The following AUTS2 variants were observed in gnomAD, a reference collection of about 807,000 sequenced individuals.
AUTS2 encodes the protein activator of transcription and developmental regulator AUTS2, also known as autism susceptibility gene 2 protein.
In AUTS2, 17 loss-of-function variants were observed where a neutral mutation model predicts 112.4. The ratio of observed to expected loss-of-function variants is 0.15; its 90% CI spans 0.10 to 0.23. AUTS2 has a LOEUF of 0.23. AUTS2 is among the 10% of genes least tolerant of loss of function. The pLI is 1.00. For missense variants in AUTS2, 1,510 were observed against 1,701.6 expected, an observed-to-expected ratio of 0.89 and a Z score of 1.98; for synonymous variants, 751 against 702.7, an observed-to-expected ratio of 1.07 and a Z score of -1.09.
At chr7:70,547,773 A>G (rs1198248987) in intron 5 of AUTS2, among the ~76,000 whole-genome samples, 1 of 152,236 alleles carries the variant, frequency 6.6e-6, no homozygotes, top group African/African-American at 2.4e-5. Flanking sequence ...GAACACTCAC[A>G]TACAGCTGAG....
intron 4 of AUTS2, among the ~76,000 whole-genome samples, chr7:70,427,152 C>A (rs919426920): frequency 6.6e-6 from 1 of 152,176 alleles, no homozygotes; most frequent in African/African-American, 2.4e-5. Flanking sequence ...TTGCTTCACA[C>A]CATCTTCAAA....
At chr7:70,020,611 A>G (rs945658221) in intron 2 of AUTS2, among the ~76,000 whole-genome samples, 1 of 152,044 alleles carries the variant, frequency 6.6e-6, no homozygotes, top group Non-Finnish European at 1.5e-5. Flanking sequence ...TTTCCTGTAC[A>G]CACTCACCAC....
At chr7:69,905,576 G>C (rs775115795) in intron 2 of AUTS2, among the ~76,000 whole-genome samples, 2 of 152,116 alleles carry the variant, frequency 1.3e-5, no homozygotes, top group African/African-American at 2.4e-5. Context: ...GAGAGAGAGA[G>C]ACCATTTCGC....
At chr7:70,351,660 C>CTTGT (rs1791771042) in intron 4 of AUTS2, among the ~76,000 whole-genome samples, 2 of 152,100 alleles carry the variant, frequency 1.3e-5, no homozygotes, top group Non-Finnish European at 2.9e-5. Flanking sequence ...CCTTTTTCTC[C>CTTGT]ACAACCTTAC....
intron 18 of AUTS2, among the ~76,000 whole-genome samples, chr7:70,789,371 C>T (rs901018888): frequency 5.3e-5 from 8 of 152,148 alleles, no homozygotes; most frequent in African/African-American, 9.7e-5. Context: ...TAGATGATCC[C>T]GGGAGTCCAG....
At chr7:70,387,968 C>A (rs746196701) in intron 4 of AUTS2, among the ~76,000 whole-genome samples, 3 of 152,198 alleles carry the variant, frequency 2.0e-5, no homozygotes, top group Non-Finnish European at 4.4e-5. Flanking sequence ...AACGCCTTAT[C>A]CTAAATTACA....
intron 5 of AUTS2, among the ~76,000 whole-genome samples, chr7:70,661,885 A>G (rs1807095243): frequency 1.3e-5 from 2 of 152,134 alleles, no homozygotes; most frequent in Admixed American, 1.3e-4. Flanking sequence ...GAAGAAAAAA[A>G]AAAGGTCATG....
chr7:70,001,872 G>A (rs776924260), intron 2 of AUTS2, among the ~76,000 whole-genome samples: 1 of 151,860 alleles, frequency 6.6e-6, no homozygotes, highest in Non-Finnish European at 1.5e-5. Flanking sequence ...CACCACGCCT[G>A]GCTAATTTTT....
At chr7:69,939,739 G>T (rs1366153686) in intron 2 of AUTS2, among the ~76,000 whole-genome samples, 1 of 152,142 alleles carries the variant, frequency 6.6e-6, no homozygotes, top group East Asian at 1.9e-4. Context: ...TCTTCTCTGG[G>T]TGCATCCTCC....
intron 7 of AUTS2, 118 bp from the exon 8 acceptor site, chr7:70,764,634 G>C (rs574374699): frequency 4.7e-5 from 30 of 636,378 alleles, no homozygotes; most frequent in African/African-American, 4.4e-4. Context: ...CTGTAAAGAG[G>C]AAGGGGCAAG....
At chr7:69,820,518 A>G (rs1038393898) in intron 1 of AUTS2, among the ~76,000 whole-genome samples, 1 of 152,236 alleles carries the variant, frequency 6.6e-6, no homozygotes, top group Non-Finnish European at 1.5e-5. Flanking sequence ...CTTTAGGTTC[A>G]TCAGTTCCAG....
At chr7:70,337,497 A>G (rs766681213) in intron 4 of AUTS2, among the ~76,000 whole-genome samples, 7 of 152,172 alleles carry the variant, frequency 4.6e-5, no homozygotes, top group Non-Finnish European at 7.3e-5. Flanking sequence ...TGTAGCGTGC[A>G]CTGTTCTGGA....
Position 70,591,783 on chromosome 7 carries a change from C to T in AUTS2, c.691-106786C>T, listed in dbSNP as rs76617046. ...TTTGTAGTCTACGCATGTGTCAGGG[C>T]TATTTGCTGGTCTCTTTTCTCTCAC... On this transcript the variant is annotated intron_variant, in intron 5 of 18. Coordinates refer to ENST00000342771, the MANE Select transcript of AUTS2 (RefSeq NM_015570.4). 7.3e-3 allele frequency among the ~76,000 whole-genome samples: 1,111 copies of T among 152,302 alleles called. 11 individuals are homozygous for T. Among genetic ancestry groups the T allele is most frequent in the African/African-American group, 0.025 (1,035 of 41,554 alleles).
chr7:70,691,874 A>ATTTT lies in AUTS2; in HGVS notation c.691-6679_691-6676dup, dbSNP rs34314079. On this transcript the variant is annotated intron_variant, in intron 5 of 18. Coordinates refer to ENST00000342771, the MANE Select transcript of AUTS2 (RefSeq NM_015570.4). ...TAATCCCTGGTAACCATTGATGACA[A>ATTTT]TTTTTTTTTTTTTTTTTTTGAGATA... 5.6e-3 allele frequency among the ~76,000 whole-genome samples: 742 copies of ATTTT among 131,766 alleles called. 18 individuals carry two copies. The highest frequency in any genetic ancestry group is 0.031 in the South Asian group (123 of 3,984). 86.4% of individuals were successfully genotyped at this position (131,766 alleles called of 152,430 possible).
At chr7:70,154,532 G>GT (rs994577720) in intron 4 of AUTS2, among the ~76,000 whole-genome samples, 10 of 151,628 alleles carry the variant, frequency 6.6e-5, no homozygotes, top group Admixed American at 1.3e-4. Context: ...AACAAGGTTA[G>GT]TTTTTTTTTA....
intron 1 of AUTS2, among the ~76,000 whole-genome samples, chr7:69,883,624 C>T (rs79162321): frequency 1.3e-5 from 2 of 152,114 alleles, no homozygotes; most frequent in Admixed American, 6.5e-5. Context: ...AGAAACTGGA[C>T]ATGGGAAAAA....
intron 2 of AUTS2, among the ~76,000 whole-genome samples, chr7:70,056,191 G>A (rs962624600): frequency 6.6e-6 from 1 of 152,060 alleles, no homozygotes; most frequent in Non-Finnish European, 1.5e-5. Flanking sequence ...TTTCATGTTA[G>A]CCAGGCTGGT....
intron 1 of AUTS2, among the ~76,000 whole-genome samples, chr7:69,664,576 G>A (rs1416780841): frequency 6.6e-6 from 1 of 152,124 alleles, no homozygotes; most frequent in African/African-American, 2.4e-5. Context: ...GGTTTTCAGA[G>A]CTCTGCTTGT....
At chr7:69,708,805 G>T (rs567686534) in intron 1 of AUTS2, among the ~76,000 whole-genome samples, 1 of 152,270 alleles carries the variant, frequency 6.6e-6, no homozygotes, top group South Asian at 2.1e-4. Flanking sequence ...GAAGGATTTG[G>T]AATTTGGTTG....
Sources: allele counts gnomAD v4.1 joint callset (sites outside exome capture counted in the v4.1 genomes callset), GRCh38; gene constraint gnomAD v4.1.1; transcripts MANE v1.5; gene names NCBI Gene and HGNC (gene_info 2026-07-23, HGNC 2026-07-21).